ELAPOR2: variants seen among roughly 807,000 people sequenced by gnomAD.
The protein encoded by ELAPOR2 is endosome-lysosome associated apoptosis and autophagy regulator family member 2.
In ELAPOR2, 89 loss-of-function variants were observed where a neutral mutation model predicts 120.7. The observed-to-expected ratio is 0.74, with a 90% CI of 0.62 to 0.88. The LOEUF is 0.88. ELAPOR2 is among the 40% of genes least tolerant of loss of function. The probability of loss-of-function intolerance (pLI) is 0.00; values close to 1 mark genes in which losing one functional copy is unlikely to be tolerated. For missense variants in ELAPOR2, 1,134 were observed against 1,251.6 expected (o/e 0.91, Z 1.42); for synonymous variants, 444 against 444.9 (o/e 1.00, Z 0.03).
At chr7:86,926,941 AGCAACC>A in intron 8 of ELAPOR2, 25 bp from the exon 9 acceptor site, 3 of 1,422,862 alleles carry the variant, frequency 2.1e-6, no homozygotes, top group Non-Finnish European at 2.8e-6. Context: ...AAAAAAAAAA[AGCAACC>A]AAGTCATATA....
At chr7:86,968,349 T>C (rs1319559910) in intron 1 of ELAPOR2, among the ~76,000 whole-genome samples, 1 of 152,046 alleles carries the variant, frequency 6.6e-6, no homozygotes, top group Non-Finnish European at 1.5e-5. Flanking sequence ...TGTCAAAAAT[T>C]TTGTCATTAT....
rs370860695 is a variant in ELAPOR2, at chr7:86,938,966, C to A, written c.848-6G>T. The A allele has an allele frequency of 3.2e-5, 52 of 1,612,382 alleles. No individual in the cohort carries two copies. The highest frequency in any genetic ancestry group is 8.4e-5 in the Admixed American group (5 of 59,798). On this transcript the variant is annotated splice_polypyrimidine_tract_variant and splice_region_variant and intron_variant, in intron 6 of 21. Coordinates refer to ENST00000450689, the MANE Select transcript of ELAPOR2 (RefSeq NM_001142749.3). ...TTCTGATGTGTACGCCACCCCTGTG[C>A]AGTAATGAAAAACAGAGCATGGGAG...
chr7:86,909,964 T>C lies in ELAPOR2; in HGVS notation c.2207A>G (p.Asp736Gly). 1 of 1,613,036 alleles carries C rather than the reference T, an allele frequency of 6.2e-7. No homozygotes were observed. Among genetic ancestry groups the C allele is most frequent in the South Asian group, 1.1e-5 (1 of 90,978 alleles). ...TGCCACTATTTCTTTTACTGTAAAGTCTGTTATATTGTTGGTACAGAGAGC... is the reference window on the plus strand; with the variant it reads ...TGCCACTATTTCTTTTACTGTAAAGCCTGTTATATTGTTGGTACAGAGAGC... ...KMALCTNNIT[D>G]FTVKEIVAGS... Residue 736 changes from aspartate to glycine, a missense_variant, in exon 16 of 22, where the codon GAC becomes GGC. Transcript: ENST00000450689.
chr7:86,890,440 C>T (rs1290555882), intron 21 of ELAPOR2, among the ~76,000 whole-genome samples: 1 of 151,970 alleles, frequency 6.6e-6, no homozygotes, highest in African/African-American at 2.4e-5. Flanking sequence ...TCATTATGAA[C>T]ATTCAGGTTC....
intron 1 of ELAPOR2, among the ~76,000 whole-genome samples, chr7:87,043,312 A>G (rs1232309386): frequency 6.6e-6 from 1 of 151,440 alleles, no homozygotes; most frequent in Non-Finnish European, 1.5e-5. Flanking sequence ...CAACAAAAAA[A>G]GAGAATTTTA....
At chr7:86,914,626 C>T (rs952189658) in intron 13 of ELAPOR2, 97 bp downstream of exon 13, 1 of 986,648 alleles carries the variant, frequency 1.0e-6, no homozygotes, top group South Asian at 2.2e-5. Flanking sequence ...AAAAAGCAGT[C>T]CTTTCTTCCA....
At chr7:86,922,979 T>G (rs557854467) in intron 10 of ELAPOR2, among the ~76,000 whole-genome samples, 1 of 151,978 alleles carries the variant, frequency 6.6e-6, no homozygotes, top group Non-Finnish European at 1.5e-5. Flanking sequence ...AATTCATATT[T>G]CACATAAACC....
At chr7:87,027,116 C>A (rs1296024502) in intron 1 of ELAPOR2, among the ~76,000 whole-genome samples, 1 of 152,010 alleles carries the variant, frequency 6.6e-6, no homozygotes. Context: ...TTAATAAGAC[C>A]AGGGAGATGG....
intron 1 of ELAPOR2, among the ~76,000 whole-genome samples, chr7:87,046,903 A>T (rs1050534352): frequency 6.6e-6 from 1 of 152,208 alleles, no homozygotes; most frequent in African/African-American, 2.4e-5. Flanking sequence ...GAAAGAACAA[A>T]ACTGAAGGAA....
At chr7:87,021,693 C>T (rs1794045772) in intron 1 of ELAPOR2, among the ~76,000 whole-genome samples, 1 of 152,160 alleles carries the variant, frequency 6.6e-6, no homozygotes, top group Admixed American at 6.6e-5. Flanking sequence ...ATCATTTATA[C>T]TCTCACCTGT....
intron 1 of ELAPOR2, among the ~76,000 whole-genome samples, chr7:86,975,237 G>C (rs1312503258): frequency 2.0e-5 from 3 of 152,164 alleles, no homozygotes; most frequent in Non-Finnish European, 4.4e-5. Context: ...TGTAAAAGCT[G>C]ATTCTTGCCA....
chr7:87,011,154 G>T (rs1410233862), intron 1 of ELAPOR2, among the ~76,000 whole-genome samples: 3 of 150,966 alleles, frequency 2.0e-5, no homozygotes. Flanking sequence ...TGTAGTCCCA[G>T]CTACTCGGGA....
rs1789709022 is a variant in ELAPOR2, at chr7:86,919,259, T to C, written c.1451A>G (p.Asn484Ser). The change falls in exon 11 of 22, where the codon AAT becomes AGT. Residue 484 changes from asparagine to serine, a missense_variant. Coordinates refer to ENST00000450689, the MANE Select transcript of ELAPOR2 (RefSeq NM_001142749.3). ...HIQSGAGGSDNDYLILNLHIP... is the reference protein window; with the variant it reads ...HIQSGAGGSDSDYLILNLHIP... ...ATGCAAGTTTAAGATCAGGTAATCA[T>C]TGTCAGAACCTCCAGCCCCACTCTG... is the stretch of plus-strand genomic sequence containing the variant. 1.2e-6 allele frequency: 2 copies of C among 1,612,400 alleles called. No individual in the cohort carries two copies. Among genetic ancestry groups the C allele is most frequent in the African/African-American group, 2.7e-5 (2 of 74,928 alleles).
Position 86,936,883 on chromosome 7 carries a change from A to C in ELAPOR2, c.1089+1243T>G, listed in dbSNP as rs144045588. Among the ~76,000 whole-genome samples the C allele has an allele frequency of 1.1e-3, 172 of 152,234 alleles. 1 individual carries two copies. Among genetic ancestry groups the C allele is most frequent in the African/African-American group, 4.0e-3 (167 of 41,558 alleles). On this transcript the variant is annotated intron_variant, in intron 8 of 21. Transcript: ENST00000450689. ...TAGATAAGACGAGATCCTATTTTAC[A>C]TTAGATCCCATTCCTTTAACCCTCA...
At chr7:86,923,566 A>T (rs1389175918) in intron 10 of ELAPOR2, among the ~76,000 whole-genome samples, 1 of 152,050 alleles carries the variant, frequency 6.6e-6, no homozygotes, top group African/African-American at 2.4e-5. Context: ...TCTAAAATTA[A>T]TATTTTTTGT....
chr7:86,885,563 A>G (rs921753871), intron 21 of ELAPOR2, among the ~76,000 whole-genome samples: 1 of 152,160 alleles, frequency 6.6e-6, no homozygotes, highest in Non-Finnish European at 1.5e-5. Flanking sequence ...AAAGGGGACT[A>G]AAGTTTTCCT....
intron 10 of ELAPOR2, among the ~76,000 whole-genome samples, chr7:86,920,196 T>C (rs1789763579): frequency 2.6e-5 from 4 of 152,184 alleles, no homozygotes; most frequent in Admixed American, 2.0e-4. Context: ...ATGTTGACTA[T>C]ACATCAGTCA....
chr7:86,893,736 C>T (rs1386497878), intron 19 of ELAPOR2, among the ~76,000 whole-genome samples: 1 of 151,888 alleles, frequency 6.6e-6, no homozygotes, highest in Admixed American at 6.6e-5. Flanking sequence ...TTCATCCTCC[C>T]GAAATAGATG....
intron 18 of ELAPOR2, 126 bp downstream of exon 18, chr7:86,907,544 A>C (rs1433366667): frequency 3.1e-6 from 2 of 652,310 alleles, no homozygotes; most frequent in African/African-American, 1.9e-5. Flanking sequence ...AAAAAAAAAA[A>C]AAACCCTACA....
Sources: gnomAD v4.1 joint callset for allele counts (sites outside exome capture counted in the v4.1 genomes callset) on GRCh38, gnomAD v4.1.1 for gene constraint, MANE v1.5 for transcripts, NCBI Gene and HGNC (gene_info 2026-07-23, HGNC 2026-07-21) for gene names.